CDH2: variants seen among roughly 807,000 people sequenced by gnomAD.
The protein encoded by CDH2 is cadherin 2.
CDH2 carries 17 observed loss-of-function variants against 92.0 expected under a neutral mutation model. The ratio of observed to expected loss-of-function variants is 0.18; its 90% CI spans 0.13 to 0.28. The LOEUF is 0.28. Ranked by LOEUF, CDH2 falls within the 10% of genes least tolerant of loss-of-function variation. CDH2 has a pLI of 1.00. For synonymous variants in CDH2, 419 were observed against 415.9 expected (o/e 1.01, Z -0.09); for missense variants, 862 against 1,133.1 (o/e 0.76, Z 3.44).
At chr18:28,152,484 A>C (rs1178889801) in intron 1 of CDH2, among the ~76,000 whole-genome samples, 1 of 152,140 alleles carries the variant, frequency 6.6e-6, no homozygotes, top group East Asian at 1.9e-4. Flanking sequence ...AGAGAGCTGG[A>C]GTAGCAAGGC....
chr18:27,945,216 G>C (rs926024067), intron 6 of CDH2, among the ~76,000 whole-genome samples: 4 of 149,772 alleles, frequency 2.7e-5, no homozygotes, highest in African/African-American at 9.8e-5. Flanking sequence ...AGCAAGACCC[G>C]TAAGACTGAA....
chr18:28,149,167 A>T (rs1183366510), intron 1 of CDH2, among the ~76,000 whole-genome samples: 1 of 152,184 alleles, frequency 6.6e-6, no homozygotes, highest in African/African-American at 2.4e-5. Context: ...ATGAATGTGG[A>T]TATATCCTCC....
intron 2 of CDH2, among the ~76,000 whole-genome samples, chr18:28,055,525 A>G (rs2014274466): frequency 6.6e-6 from 1 of 152,212 alleles, no homozygotes; most frequent in African/African-American, 2.4e-5. Flanking sequence ...AGACTGGCAA[A>G]TGAAAAATCT....
At chr18:28,078,202 T>G (rs2014761963) in intron 2 of CDH2, among the ~76,000 whole-genome samples, 1 of 152,160 alleles carries the variant, frequency 6.6e-6, no homozygotes, top group Non-Finnish European at 1.5e-5. Flanking sequence ...AGATACATTC[T>G]GTGCCTCAGA....
At chr18:28,041,535 C>A (rs142097800) in intron 2 of CDH2, among the ~76,000 whole-genome samples, 1 of 152,150 alleles carries the variant, frequency 6.6e-6, no homozygotes, top group Admixed American at 6.5e-5. Context: ...GTGTTTTTAA[C>A]GGATAAGTGT....
At chr18:28,022,562 T>A (rs548382896) in intron 2 of CDH2, among the ~76,000 whole-genome samples, 1 of 152,130 alleles carries the variant, frequency 6.6e-6, no homozygotes, top group South Asian at 2.1e-4. Context: ...TATTTACCAC[T>A]TTTTCTCCAA....
chr18:27,936,191 C>A (rs991492339), intron 6 of CDH2, among the ~76,000 whole-genome samples: 13 of 152,184 alleles, frequency 8.5e-5, no homozygotes, highest in African/African-American at 3.1e-4. Context: ...AAATTAATAT[C>A]TATATACATT....
rs1443805629 is a variant in CDH2, at chr18:28,036,453, A to T, written c.173-22544T>A. 4 of 1,217,398 alleles carry T rather than the reference A, an allele frequency of 3.3e-6. No individual in the cohort carries two copies. The Middle Eastern group carries it at 5.7e-4, about 173-fold the overall frequency. The allele number at this position is 1,217,398 out of a possible 1,614,324, so 75.4% of individuals were successfully genotyped here. ...TAAATCACCATGTTATGGAATGAAT[A>T]AGGCAATTTTTGTTACCTGAAAGGA... On this transcript the variant is annotated intron_variant, in intron 2 of 15. Coordinates refer to ENST00000269141, the MANE Select transcript of CDH2 (RefSeq NM_001792.5).
chr18:28,083,179 C>T (rs181443802), intron 2 of CDH2, among the ~76,000 whole-genome samples: 1 of 152,048 alleles, frequency 6.6e-6, no homozygotes, highest in African/African-American at 2.4e-5. Flanking sequence ...GATAATACCC[C>T]CCAAGAAACT....
chr18:28,017,464 C>T (rs17493744), intron 2 of CDH2, among the ~76,000 whole-genome samples: 5,409 of 151,902 alleles, frequency 0.036, 147 homozygotes, highest in African/African-American at 0.075. Context: ...TAGTATCTCC[C>T]GTTTCGTTTC....
At chr18:28,003,631 T>C (rs1332097447) in intron 6 of CDH2, among the ~76,000 whole-genome samples, 2 of 152,206 alleles carry the variant, frequency 1.3e-5, no homozygotes, top group Non-Finnish European at 2.9e-5. Flanking sequence ...ACTTTCCGAA[T>C]GTAGGCTGTG....
intron 1 of CDH2, among the ~76,000 whole-genome samples, chr18:28,148,370 G>T (rs1409776967): frequency 1.3e-5 from 2 of 152,072 alleles, no homozygotes; most frequent in African/African-American, 4.8e-5. Flanking sequence ...TTTAAGTAAA[G>T]ATTAATACAA....
rs542311699 is a variant in CDH2 at position 27,969,064 on chromosome 18, A to C, written c.2350-5543T>G. On this transcript the variant is annotated intron_variant, in intron 14 of 15. Coordinates refer to ENST00000269141, the MANE Select transcript of CDH2 (RefSeq NM_001792.5). ...TTTATGTAAATTACATTACGACCTGATTTTCTTCCCCAGTGAAATATCGTT... is the reference window on the plus strand; with the variant it reads ...TTTATGTAAATTACATTACGACCTGCTTTTCTTCCCCAGTGAAATATCGTT... Among the ~76,000 whole-genome samples, 6 of 152,270 alleles carry C rather than the reference A, an allele frequency of 3.9e-5. No individual in the cohort carries two copies. In the East Asian group the frequency reaches 1.2e-3, roughly 29 times the overall value.
chr18:28,093,113 T>C (rs1195635796), intron 2 of CDH2, among the ~76,000 whole-genome samples: 1 of 152,144 alleles, frequency 6.6e-6, no homozygotes, highest in Non-Finnish European at 1.5e-5. Context: ...ACAATGCTAC[T>C]ACTCATATTT....
chr18:27,967,704 T>C (rs2011563829), intron 14 of CDH2, among the ~76,000 whole-genome samples: 1 of 152,180 alleles, frequency 6.6e-6, no homozygotes, highest in Non-Finnish European at 1.5e-5. Context: ...AGGCATGGAA[T>C]TTGGGTTTTG....
intron 2 of CDH2, among the ~76,000 whole-genome samples, chr18:28,047,684 C>T (rs1487639437): frequency 6.6e-6 from 1 of 151,680 alleles, no homozygotes; most frequent in East Asian, 1.9e-4. Flanking sequence ...CTGGCTAACA[C>T]GGTGAAACCC....
chr18:28,077,364 G>T (rs2014740511), intron 2 of CDH2, among the ~76,000 whole-genome samples: 1 of 152,140 alleles, frequency 6.6e-6, no homozygotes, highest in African/African-American at 2.4e-5. Context: ...TACAAAGGAA[G>T]ATGTTACCGG....
chr18:28,176,953 C>A lies in CDH2; in HGVS notation c.60+10G>T. ...CGCCCGTGGCCCGGCCCGCGGGGAC[C>A]GCCGCGTACCTGAAGCAGGGCCGCC... On this transcript the variant is annotated intron_variant, in intron 1 of 15. Transcript: ENST00000269141. The A allele has an allele frequency of 7.6e-7, 1 of 1,323,308 alleles. No individual in the cohort carries two copies. Among genetic ancestry groups the A allele is most frequent in the Admixed American group, 3.3e-5 (1 of 30,170 alleles). The allele number at this position is 1,323,308 out of a possible 1,614,324, so 82.0% of individuals were successfully genotyped here. A position where few individuals can be genotyped will look rare whatever the true frequency, so the allele number is the denominator to read the frequency against.
chr18:28,087,084 G>A (rs1286403340), intron 2 of CDH2, among the ~76,000 whole-genome samples: 1 of 152,162 alleles, frequency 6.6e-6, no homozygotes, highest in Admixed American at 6.6e-5. Flanking sequence ...TGTTGAGACA[G>A]CCAAGCTTAC....
Sources: allele counts gnomAD v4.1 joint callset (sites outside exome capture counted in the v4.1 genomes callset), GRCh38; gene constraint gnomAD v4.1.1; transcripts MANE v1.5; gene names NCBI Gene and HGNC (gene_info 2026-07-23, HGNC 2026-07-21).